CSMD3: variants seen among roughly 807,000 people sequenced by gnomAD.
The protein encoded by CSMD3 is CUB and sushi domain-containing protein 3.
In CSMD3, 177 loss-of-function variants were observed where a neutral mutation model predicts 435.2. That is an observed-to-expected ratio of 0.41 (90% CI 0.36 to 0.46). The LOEUF (loss-of-function observed/expected upper bound fraction) is 0.46, where lower values mean the gene tolerates loss of function less well. Among genes scored for constraint, CSMD3 ranks in the 20% least tolerant of loss-of-function variants. CSMD3 has a pLI of 0.34. For synonymous variants in CSMD3, 1,656 were observed against 1,520.5 expected (o/e 1.09, Z -2.07); for missense variants, 4,265 against 4,504.6 (o/e 0.95, Z 1.52).
Position 112,517,134 on chromosome 8 carries a change from A to C in CSMD3, c.4656T>G (p.Phe1552Leu), listed in dbSNP as rs1376832477. 6.2e-7 allele frequency: 1 copy of C among 1,613,706 alleles called. No homozygotes were observed. The change falls in exon 28 of 71, where the codon TTT (phenylalanine) becomes TTG (leucine). Residue 1552 changes from phenylalanine to leucine, a missense_variant. Physicochemically the swap from Phe to Leu is conservative, Grantham distance 22. This residue lies in a region of CSMD3 where 3,255 missense variants were observed against 3,380.2 expected (regional missense o/e 0.96). Coordinates refer to ENST00000297405, the MANE Select transcript of CSMD3 (RefSeq NM_198123.2). ...DGREPGDTVV[F>L]QCDPGYELQG... ...GAAGTTCATATCCTGGGTCACATTG[A>C]AAAACAACAGTGTCCCCAGGTTCTC...
intron 3 of CSMD3, among the ~76,000 whole-genome samples, chr8:113,253,629 C>T (rs754666051): frequency 6.6e-6 from 1 of 151,848 alleles, no homozygotes; most frequent in African/African-American, 2.4e-5. Flanking sequence ...ATAACGAGGT[C>T]AAGAGATCAA....
chr8:112,285,085 C>A (rs554103737), intron 58 of CSMD3, among the ~76,000 whole-genome samples: 8 of 152,020 alleles, frequency 5.3e-5, no homozygotes, highest in Non-Finnish European at 1.2e-4. Flanking sequence ...TTGGTATCAG[C>A]TTCATTTATG....
intron 12 of CSMD3, among the ~76,000 whole-genome samples, chr8:112,814,092 CG>C (rs1400327665): frequency 3.3e-5 from 5 of 152,084 alleles, no homozygotes; most frequent in African/African-American, 1.2e-4. Flanking sequence ...TGCCTGATGT[CG>C]AAGTGAGTTC....
At chr8:112,431,179 C>T (rs910504422) in intron 32 of CSMD3, among the ~76,000 whole-genome samples, 20 of 152,092 alleles carry the variant, frequency 1.3e-4, no homozygotes, top group African/African-American at 4.3e-4. Context: ...TGGATATTGA[C>T]ATTGATGTCT....
Position 112,263,734 on chromosome 8 carries a change from C to A in CSMD3, c.9767G>T (p.Ser3256Ile), listed in dbSNP as rs752180249. The change falls in exon 61 of 71, where the codon AGC (serine) becomes ATC (isoleucine). Residue 3256 changes from serine (S) to isoleucine (I), a missense_variant. Physicochemically the swap from Ser to Ile is moderately radical, Grantham distance 142. Coordinates refer to ENST00000297405, the MANE Select transcript of CSMD3 (RefSeq NM_198123.2). ...GTNFDWGFSI[S>I]YICSPGYELS... ...CTCATAGCCTGGAGAACAGATGTAG[C>A]TAATACTAAAGCCCCAGTCGAAATT... 1.2e-6 allele frequency: 2 copies of A among 1,613,822 alleles called. No homozygotes were observed. The highest frequency in any genetic ancestry group is 2.2e-5 in the South Asian group (2 of 91,084).
intron 2 of CSMD3, chr8:113,312,423 G>A (rs893599245): frequency 2.0e-5 from 3 of 152,074 alleles, no homozygotes; most frequent in Non-Finnish European, 2.9e-5. Context: ...TAAAATCTCT[G>A]TGAATTAAGT....
At chr8:113,111,773 C>T (rs967245382) in intron 4 of CSMD3, among the ~76,000 whole-genome samples, 11 of 152,020 alleles carry the variant, frequency 7.2e-5, no homozygotes, top group East Asian at 1.9e-4. Flanking sequence ...CCTCTGCTTC[C>T]GAGTTCAAGT....
rs964402798 is a variant in CSMD3, at chr8:112,637,458, A to C, written c.3527-453T>G. On this transcript the variant is annotated intron_variant, in intron 21 of 70. Coordinates refer to ENST00000297405, the MANE Select transcript of CSMD3 (RefSeq NM_198123.2). ...AAGGCCCTTCTGCTTCTTGTATACA[A>C]GTTCAATTAATGCATATTCTGAAAA... 2.0e-5 allele frequency among the ~76,000 whole-genome samples: 3 copies of C among 152,264 alleles called. No individual in the cohort carries two copies. The South Asian group carries it at 6.2e-4, about 32-fold the overall frequency.
At chr8:112,896,777 A>G (rs1214951505) in intron 10 of CSMD3, among the ~76,000 whole-genome samples, 1 of 151,478 alleles carries the variant, frequency 6.6e-6, no homozygotes, top group African/African-American at 2.4e-5. Flanking sequence ...ACATCCAGTT[A>G]TATTTTGAAA....
chr8:112,542,957 G>A (rs1262060955), intron 27 of CSMD3, among the ~76,000 whole-genome samples: 1 of 152,102 alleles, frequency 6.6e-6, no homozygotes, highest in Non-Finnish European at 1.5e-5. Flanking sequence ...CAACAAAAAG[G>A]TGTGGACAGT....
At chr8:112,679,394 T>G (rs1181645930) in intron 16 of CSMD3, among the ~76,000 whole-genome samples, 2 of 152,072 alleles carry the variant, frequency 1.3e-5, no homozygotes, top group African/African-American at 4.8e-5. Flanking sequence ...TCATCCTTAG[T>G]GATGTTTCCA....
At chr8:112,699,411 C>T (rs184604228) in intron 13 of CSMD3, among the ~76,000 whole-genome samples, 9 of 152,166 alleles carry the variant, frequency 5.9e-5, no homozygotes, top group African/African-American at 1.4e-4. Flanking sequence ...TAGAACCCAC[C>T]GGAAGGAACC....
chr8:112,620,886 G>T (rs1482034971), intron 22 of CSMD3, among the ~76,000 whole-genome samples: 1 of 152,070 alleles, frequency 6.6e-6, no homozygotes, highest in African/African-American at 2.4e-5. Context: ...TATCTCATTG[G>T]TCTTTGGTTA....
At chr8:112,308,431 A>T (rs1321537387) in intron 50 of CSMD3, among the ~76,000 whole-genome samples, 2 of 152,102 alleles carry the variant, frequency 1.3e-5, no homozygotes, top group Admixed American at 6.6e-5. Context: ...CTAAAAAGAG[A>T]CAACGTACCA....
chr8:112,952,830 T>C (rs910913132), intron 8 of CSMD3, among the ~76,000 whole-genome samples: 34 of 151,588 alleles, frequency 2.2e-4, no homozygotes, highest in African/African-American at 7.5e-4. Context: ...TTTTTGCCTA[T>C]TTTAAAGCAA....
chr8:112,864,510 G>A (rs1049261679), intron 10 of CSMD3, among the ~76,000 whole-genome samples: 5 of 151,940 alleles, frequency 3.3e-5, no homozygotes, highest in African/African-American at 1.2e-4. Flanking sequence ...CTCAGCCTCC[G>A]GAAATGCTGG....
intron 47 of CSMD3, among the ~76,000 whole-genome samples, chr8:112,317,691 T>C (rs1477522944): frequency 6.6e-6 from 1 of 152,030 alleles, no homozygotes; most frequent in Non-Finnish European, 1.5e-5. Flanking sequence ...AATTCTCACA[T>C]TGGCTCCAAT....
intron 32 of CSMD3, among the ~76,000 whole-genome samples, chr8:112,466,769 A>T: frequency 6.6e-6 from 1 of 152,218 alleles, no homozygotes; most frequent in East Asian, 1.9e-4. Flanking sequence ...CTTAATAACC[A>T]CTATGTAATT....
intron 4 of CSMD3, among the ~76,000 whole-genome samples, chr8:113,152,991 A>G (rs960769963): frequency 5.3e-5 from 8 of 151,388 alleles, no homozygotes; most frequent in Non-Finnish European, 1.0e-4. Flanking sequence ...AAAACAAAAC[A>G]AAACAAAAGA....
Sources: allele counts gnomAD v4.1 joint callset (sites outside exome capture counted in the v4.1 genomes callset), GRCh38; gene constraint gnomAD v4.1.1; regional missense constraint gnomAD v4.1.1; transcripts MANE v1.5; gene names NCBI Gene and HGNC (gene_info 2026-07-23, HGNC 2026-07-21).